The following EEF2K variants were observed in gnomAD, a reference collection of about 807,000 sequenced individuals.
EEF2K encodes alternative protein EEF2K.
Under a neutral mutation model 93.8 loss-of-function variants are expected in EEF2K, and 70 were observed. The observed-to-expected ratio is 0.75, with a 90% CI of 0.62 to 0.91. The LOEUF is 0.91. Among genes scored for constraint, EEF2K ranks in the 40% least tolerant of loss-of-function variants. The pLI, the probability that EEF2K is intolerant of heterozygous loss-of-function variation, is 0.00. For synonymous variants in EEF2K, 376 were observed against 380.8 expected (o/e 0.99, Z 0.15); for missense variants, 935 against 972.9 (o/e 0.96, Z 0.52).
At chr16:22,268,371 A>C (rs769897328) in intron 15 of EEF2K, among the ~76,000 whole-genome samples, 26 of 151,926 alleles carry the variant, frequency 1.7e-4, no homozygotes, top group Non-Finnish European at 2.6e-4. Context: ...GAGCTTCACC[A>C]TGTTGGCCAG....
chr16:22,280,962 C>T (rs1455338124), intron 17 of EEF2K, among the ~76,000 whole-genome samples: 10 of 151,896 alleles, frequency 6.6e-5, no homozygotes, highest in Non-Finnish European at 1.3e-4. Context: ...ACACCTGGCC[C>T]AGAGTTTCAC....
chr16:22,271,390 A>T (rs1248710642), intron 15 of EEF2K, among the ~76,000 whole-genome samples: 4 of 152,066 alleles, frequency 2.6e-5, no homozygotes, highest in African/African-American at 9.7e-5. Context: ...AAATTTTGCT[A>T]ATTTAAAGAA....
intron 4 of EEF2K, among the ~76,000 whole-genome samples, chr16:22,249,924 G>A (rs567704897): frequency 4.2e-4 from 64 of 152,066 alleles, no homozygotes; most frequent in Middle Eastern, 3.4e-3. Flanking sequence ...TAGGATTACA[G>A]GCATGCACCA....
intron 2 of EEF2K, among the ~76,000 whole-genome samples, chr16:22,231,977 C>G (rs61240077): frequency 1.5e-5 from 2 of 129,184 alleles, no homozygotes; most frequent in Non-Finnish European, 3.1e-5. Flanking sequence ...GCAACGAGAG[C>G]GAAACTCTGT....
intron 1 of EEF2K, among the ~76,000 whole-genome samples, chr16:22,212,871 G>A (rs1339763453): frequency 6.6e-6 from 1 of 152,078 alleles, no homozygotes; most frequent in African/African-American, 2.4e-5. Context: ...CTACTCAGGA[G>A]GCTGAGGCGG....
At chr16:22,277,864 TC>T (rs1598208229) in intron 16 of EEF2K, among the ~76,000 whole-genome samples, 1 of 151,972 alleles carries the variant, frequency 6.6e-6, no homozygotes, top group East Asian at 1.9e-4. Flanking sequence ...TATGCCAGCG[TC>T]TTGCATGGGC....
At chr16:22,216,897 C>T (rs1338587796) in intron 1 of EEF2K, among the ~76,000 whole-genome samples, 3 of 152,092 alleles carry the variant, frequency 2.0e-5, no homozygotes, top group Admixed American at 6.6e-5. Context: ...TGCAGTGGCT[C>T]ATGCCTGTAA....
At chr16:22,229,978 T>C (rs554913199) in intron 2 of EEF2K, among the ~76,000 whole-genome samples, 1 of 152,326 alleles carries the variant, frequency 6.6e-6, no homozygotes, top group South Asian at 2.1e-4. Context: ...GAGTTCTAGC[T>C]GGAGTTACTC....
intron 3 of EEF2K, among the ~76,000 whole-genome samples, chr16:22,246,844 C>T (rs993461063): frequency 1.3e-4 from 19 of 151,288 alleles, no homozygotes; most frequent in Non-Finnish European, 2.2e-4. Context: ...TTGAGACCAG[C>T]CTGGCCAATG....
rs895324983 is a variant in EEF2K, at chr16:22,284,946, AT to A, written c.*953del. ...GGCTGTTTTTTAAACTTCTAGTTCAATTTCCTTCCATAATGCTACTGATTTT... is the reference window on the plus strand; with the variant it reads ...GGCTGTTTTTTAAACTTCTAGTTCAATTCCTTCCATAATGCTACTGATTTT... On this transcript the variant is annotated 3_prime_UTR_variant, in exon 18 of 18. Coordinates refer to ENST00000263026, the MANE Select transcript of EEF2K (RefSeq NM_013302.5). 6.6e-6 allele frequency: 1 copy of A among 152,296 alleles called. No individual in the cohort carries two copies. Among genetic ancestry groups the A allele is most frequent in the African/African-American group, 2.4e-5 (1 of 41,302 alleles). The allele number at this position is 152,296 out of a possible 1,614,324, so 9.4% of individuals were successfully genotyped here.
Position 22,284,328 on chromosome 16 carries a change from T to C in EEF2K, c.*332T>C, listed in dbSNP as rs1206836762. ...CAGAGTCTTGCTCTGTCACCCAGGC[T>C]GGAGTGCAGTGACATGATCTTAGCT... On this transcript the variant is annotated 3_prime_UTR_variant, in exon 18 of 18. Transcript: ENST00000263026. The C allele has an allele frequency of 1.5e-5, 4 of 269,556 alleles. No individual in the cohort carries two copies. The highest frequency in any genetic ancestry group is 2.2e-5 in the African/African-American group (1 of 45,320). The allele number at this position is 269,556 out of a possible 1,614,324, so 16.7% of individuals were successfully genotyped here.
chr16:22,230,348 G>T (rs2047103329), intron 2 of EEF2K, among the ~76,000 whole-genome samples: 1 of 151,914 alleles, frequency 6.6e-6, no homozygotes, highest in Admixed American at 6.6e-5. Context: ...CAAGTAGCTG[G>T]AACCACAGGT....
chr16:22,244,522 A>G (rs770210013), intron 2 of EEF2K, 108 bp from the exon 3 acceptor site: 4 of 1,041,478 alleles, frequency 3.8e-6, no homozygotes, highest in South Asian at 1.4e-5. Flanking sequence ...CTCTGTCCTG[A>G]TACTGTCTGC....
chr16:22,212,346 CAG>C (rs1303378030), intron 1 of EEF2K, among the ~76,000 whole-genome samples: 5 of 150,244 alleles, frequency 3.3e-5, no homozygotes, highest in African/African-American at 1.2e-4. Context: ...TTTTTTGAGA[CAG>C]AGTCTTGCTG....
chr16:22,243,901 C>A (rs866181497), intron 2 of EEF2K, among the ~76,000 whole-genome samples: 1 of 121,490 alleles, frequency 8.2e-6, no homozygotes, highest in Non-Finnish European at 1.6e-5. Flanking sequence ...CCAGCCTCGG[C>A]GACAAAGTAA....
In EEF2K at chr16:22,257,354, G is replaced by A; in HGVS notation, c.870G>A (p.Glu290=). Residue 290 remains glutamate, a synonymous_variant, in exon 8 of 18, where the codon GAG becomes GAA. Coordinates refer to ENST00000263026, the MANE Select transcript of EEF2K (RefSeq NM_013302.5). Reference sequence around the variant, plus strand: ...ACACTGACCCACAGATCCACACGGAGACGGGCACTGACTTTGGAGACGGCA... The same window carrying A: ...ACACTGACCCACAGATCCACACGGAAACGGGCACTGACTTTGGAGACGGCA... ...DLYTDPQIHT[E]TGTDFGDGNL... is the part of the protein sequence containing the mutation. 1 of 1,613,902 alleles carries A rather than the reference G, an allele frequency of 6.2e-7. No homozygotes were observed. Among genetic ancestry groups the A allele is most frequent in the Non-Finnish European group, 8.5e-7 (1 of 1,179,958 alleles).
At chr16:22,217,160 CAAAAA>C (rs59262131) in intron 1 of EEF2K, among the ~76,000 whole-genome samples, 842 of 76,466 alleles carry the variant, frequency 0.011, 5 homozygotes, top group African/African-American at 0.032. Flanking sequence ...GACCCTGTCT[CAAAAA>C]AAAAAAAAAA....
intron 2 of EEF2K, among the ~76,000 whole-genome samples, chr16:22,226,517 C>CTTCTTTTTTTTTTTTTTTTTTTTTTTTT (rs1555469266): frequency 1.9e-5 from 2 of 106,900 alleles, no homozygotes; most frequent in East Asian, 3.3e-4. Context: ...CCTTCTTCTT[C>CTTCTTTTTTTTTTTTTTTTTTTTTTTTT]TTTTTTTTTT....
chr16:22,211,247 A>G (rs1243520463), intron 1 of EEF2K, among the ~76,000 whole-genome samples: 2 of 152,136 alleles, frequency 1.3e-5, no homozygotes, highest in African/African-American at 2.4e-5. Context: ...AGGTTAAGTA[A>G]TTTCCCCCAG....
Sources: allele counts gnomAD v4.1 joint callset (sites outside exome capture counted in the v4.1 genomes callset), GRCh38; gene constraint gnomAD v4.1.1; transcripts MANE v1.5; gene names NCBI Gene and HGNC (gene_info 2026-07-23, HGNC 2026-07-21).